The following SLC24A2 variants were observed in gnomAD, a reference collection of about 807,000 sequenced individuals.
SLC24A2 encodes solute carrier family 24 member 2.
SLC24A2 carries 36 observed loss-of-function variants against 62.0 expected under a neutral mutation model. That is an observed-to-expected ratio of 0.58 (90% confidence interval 0.44 to 0.77). SLC24A2 has a LOEUF of 0.77. Among genes scored for constraint, SLC24A2 ranks in the 30% least tolerant of loss-of-function variants. The pLI is 0.00. For synonymous variants in SLC24A2, 358 were observed against 294.0 expected, an observed-to-expected ratio of 1.22 and a Z score of -2.23; for missense variants, 846 against 817.9, an observed-to-expected ratio of 1.03 and a Z score of -0.42.
Position 19,520,977 on chromosome 9 carries a change from G to A in SLC24A2, c.1653C>T (p.Thr551=). 6.2e-7 allele frequency: 1 copy of A among 1,614,022 alleles called. No homozygotes were observed. Among genetic ancestry groups the A allele is most frequent in the Non-Finnish European group, 8.5e-7 (1 of 1,179,972 alleles). The change falls in exon 10 of 11, where the codon ACC becomes ACT. Residue 551 remains threonine, a synonymous_variant. Transcript: ENST00000341998. ...AAGTSIPDLI[T]SVIVARKGLG... is the part of the protein sequence containing the mutation. ...ACCCCTTCCGGGCCACTATGACACT[G>A]GTGATAAGATCAGGGATGGAGGTCC...
chr9:19,810,994 G>GCAAA, the SLC24A2 span, among the ~76,000 whole-genome samples: 124,236 of 151,842 alleles, frequency 0.82, 52,024 homozygotes, highest in Non-Finnish European at 0.92. Flanking sequence ...CTTTCACTCC[G>GCAAA]CAGTGAACAA....
the SLC24A2 span, among the ~76,000 whole-genome samples, chr9:20,275,200 G>A: frequency 1.3e-5 from 2 of 152,118 alleles, no homozygotes; most frequent in Non-Finnish European, 2.9e-5. Flanking sequence ...AGCTCAGTTA[G>A]GGGTTACGGC....
At chr9:20,188,098 TGTCAGAAGAGGATTAGA>T in the SLC24A2 span, among the ~76,000 whole-genome samples, 2 of 116,502 alleles carry the variant, frequency 1.7e-5, no homozygotes, top group Non-Finnish European at 4.0e-5. Context: ...TTTTCTATCC[TGTCAGAAGAGGATTAGA>T]GTCAGAAGCT....
intron 8 of SLC24A2, among the ~76,000 whole-genome samples, chr9:19,547,558 T>A (rs1344462633): frequency 6.8e-6 from 1 of 147,716 alleles, no homozygotes; most frequent in South Asian, 2.1e-4. Context: ...ACCAAGAGGA[T>A]AAACACTTTG....
At chr9:19,870,756 A>G in the SLC24A2 span, among the ~76,000 whole-genome samples, 1 of 152,128 alleles carries the variant, frequency 6.6e-6, no homozygotes, top group Non-Finnish European at 1.5e-5. Context: ...ATCATGGATA[A>G]TAATGTTGAG....
chr9:19,994,349 G>T, the SLC24A2 span, among the ~76,000 whole-genome samples: 1 of 152,060 alleles, frequency 6.6e-6, no homozygotes, highest in Admixed American at 6.6e-5. Flanking sequence ...AATAACCAGG[G>T]TAATTACCCA....
At chr9:20,279,598 C>T in the SLC24A2 span, among the ~76,000 whole-genome samples, 1 of 152,144 alleles carries the variant, frequency 6.6e-6, no homozygotes, top group Non-Finnish European at 1.5e-5. Context: ...TATTGCAAGT[C>T]CATCAACAAT....
chr9:20,061,131 A>T, the SLC24A2 span, among the ~76,000 whole-genome samples: 1 of 152,318 alleles, frequency 6.6e-6, no homozygotes, highest in South Asian at 2.1e-4. Context: ...TTAAATGGCA[A>T]TGCAAAAGAC....
the SLC24A2 span, among the ~76,000 whole-genome samples, chr9:20,026,878 G>A: frequency 1.3e-5 from 2 of 151,934 alleles, no homozygotes; most frequent in Non-Finnish European, 2.9e-5. Context: ...AATCAACAGA[G>A]GACACAATTT....
the SLC24A2 span, among the ~76,000 whole-genome samples, chr9:19,923,257 T>C: frequency 6.6e-6 from 1 of 152,198 alleles, no homozygotes. Context: ...CATACTTTCC[T>C]GCATTTCATG....
the SLC24A2 span, among the ~76,000 whole-genome samples, chr9:20,069,450 G>C: frequency 1.3e-5 from 2 of 152,134 alleles, no homozygotes; most frequent in Non-Finnish European, 2.9e-5. Flanking sequence ...CAAACAGAAA[G>C]TGTATAAACT....
chr9:20,206,956 T>C, the SLC24A2 span, among the ~76,000 whole-genome samples: 2 of 152,168 alleles, frequency 1.3e-5, no homozygotes, highest in African/African-American at 4.8e-5. Flanking sequence ...TTGAGAACTG[T>C]TGACTTATGC....
chr9:20,108,569 A>G, the SLC24A2 span, among the ~76,000 whole-genome samples: 1 of 152,320 alleles, frequency 6.6e-6, no homozygotes, highest in South Asian at 2.1e-4. Flanking sequence ...GAAGTTGGAA[A>G]TCATCATTCT....
intron 7 of SLC24A2, among the ~76,000 whole-genome samples, chr9:19,554,427 T>C (rs894868500): frequency 7.9e-5 from 12 of 152,176 alleles, no homozygotes; most frequent in African/African-American, 2.9e-4. Flanking sequence ...TATATGCAAA[T>C]TCTACCCCAT....
chr9:19,870,016 A>T, the SLC24A2 span, among the ~76,000 whole-genome samples: 1 of 152,184 alleles, frequency 6.6e-6, no homozygotes, highest in Non-Finnish European at 1.5e-5. Context: ...AGATAATTTT[A>T]AAAAATGAAA....
At chr9:19,943,348 G>A in the SLC24A2 span, among the ~76,000 whole-genome samples, 1 of 152,056 alleles carries the variant, frequency 6.6e-6, no homozygotes, top group Non-Finnish European at 1.5e-5. Flanking sequence ...TTCTACCCTG[G>A]AATAATTTTA....
the SLC24A2 span, among the ~76,000 whole-genome samples, chr9:19,856,264 C>A: frequency 6.6e-6 from 1 of 152,154 alleles, no homozygotes; most frequent in African/African-American, 2.4e-5. Context: ...TTATTACCCA[C>A]CTTCTGAAGC....
the SLC24A2 span, among the ~76,000 whole-genome samples, chr9:19,984,083 A>G: frequency 3.9e-5 from 6 of 152,144 alleles, no homozygotes; most frequent in East Asian, 7.7e-4. Context: ...GACTTACAAC[A>G]TTTTCAGGTT....
intron 2 of SLC24A2, among the ~76,000 whole-genome samples, chr9:19,782,723 C>A (rs1823052235): frequency 6.6e-6 from 1 of 152,142 alleles, no homozygotes; most frequent in Non-Finnish European, 1.5e-5. Flanking sequence ...TCATTGAAAA[C>A]AACCCACATT....
Sources: gnomAD v4.1 joint callset for allele counts (sites outside exome capture counted in the v4.1 genomes callset) on GRCh38, gnomAD v4.1.1 for gene constraint, MANE v1.5 for transcripts, NCBI Gene and HGNC (gene_info 2026-07-23, HGNC 2026-07-21) for gene names.